DPH6: variants seen among roughly 807,000 people sequenced by gnomAD.
The protein encoded by DPH6 is diphthine--ammonia ligase.
A neutral mutation model predicts 38.2 loss-of-function variants in DPH6; 33 were observed. The observed-to-expected ratio is 0.86, with a 90% CI of 0.65 to 1.15. DPH6 has a LOEUF of 1.15. DPH6 is among the 50% of genes most tolerant of loss of function. DPH6 has a pLI of 0.00. For missense variants in DPH6, 325 were observed against 320.0 expected, an observed-to-expected ratio of 1.02 and a Z score of -0.12; for synonymous variants, 108 against 103.0, an observed-to-expected ratio of 1.05 and a Z score of -0.30.
chr15:35,412,211 C>T (rs1023657645), intron 5 of DPH6, among the ~76,000 whole-genome samples: 2 of 151,638 alleles, frequency 1.3e-5, no homozygotes, highest in East Asian at 1.9e-4. Context: ...ACAGACACCT[C>T]GCTAAAGATA....
At chr15:35,200,138 A>G in the DPH6 span, among the ~76,000 whole-genome samples, 1 of 152,194 alleles carries the variant, frequency 6.6e-6, no homozygotes, top group Non-Finnish European at 1.5e-5. Flanking sequence ...CCAAATGCCC[A>G]GAGATTCTAG....
rs149373142 is a variant in DPH6, at chr15:35,451,727, T to A, written c.387-924A>T. 1.7e-4 allele frequency among the ~76,000 whole-genome samples: 26 copies of A among 152,230 alleles called. No homozygotes were observed. The Middle Eastern group carries it at 0.01, about 60-fold the overall frequency. ...AATGTGATCCTTTTAAGACATAAAA[T>A]AGGACAGGCGCGGTGACTCACGACT... On this transcript the variant is annotated intron_variant, in intron 4 of 8. Coordinates refer to ENST00000256538, the MANE Select transcript of DPH6 (RefSeq NM_080650.4).
chr15:35,533,012 CAGG>C (rs1201692314), intron 3 of DPH6, among the ~76,000 whole-genome samples: 1 of 151,548 alleles, frequency 6.6e-6, no homozygotes, highest in Non-Finnish European at 1.5e-5. Context: ...GAGGCTGAAG[CAGG>C]AGAATTGCTT....
At chr15:35,485,007 A>C (rs2054378282) in intron 3 of DPH6, among the ~76,000 whole-genome samples, 1 of 152,242 alleles carries the variant, frequency 6.6e-6, no homozygotes, top group Admixed American at 6.5e-5. Flanking sequence ...AATGAAAAAA[A>C]AATTAACATT....
At chr15:35,482,118 T>G (rs983080359) in intron 3 of DPH6, among the ~76,000 whole-genome samples, 67 of 152,274 alleles carry the variant, frequency 4.4e-4, no homozygotes, top group African/African-American at 1.5e-3. Context: ...TTGACTAGAT[T>G]TGAAGTGGGA....
At chr15:35,173,415 T>A in the DPH6 span, among the ~76,000 whole-genome samples, 2 of 152,208 alleles carry the variant, frequency 1.3e-5, no homozygotes, top group Non-Finnish European at 2.9e-5. Flanking sequence ...TACTTTTTTC[T>A]AAATATAGGC....
chr15:35,213,664 C>T (rs1371144692), downstream of DPH6, among the ~76,000 whole-genome samples: 1 of 152,142 alleles, frequency 6.6e-6, no homozygotes, highest in Non-Finnish European at 1.5e-5. Context: ...TATTTCTTGG[C>T]CTTGCTTCCC....
chr15:35,506,041 C>T (rs941763286), intron 3 of DPH6, among the ~76,000 whole-genome samples: 1 of 151,974 alleles, frequency 6.6e-6, no homozygotes, highest in Non-Finnish European at 1.5e-5. Context: ...CACTGGCAAG[C>T]CCAAGACACA....
intron 3 of DPH6, among the ~76,000 whole-genome samples, chr15:35,506,093 T>A (rs768139253): frequency 6.6e-6 from 1 of 152,134 alleles, no homozygotes; most frequent in Non-Finnish European, 1.5e-5. Flanking sequence ...AAAAAACTTA[T>A]CATGTAAAGT....
At chr15:35,202,119 TA>T in the DPH6 span, among the ~76,000 whole-genome samples, 1 of 151,988 alleles carries the variant, frequency 6.6e-6, no homozygotes, top group African/African-American at 2.4e-5. Context: ...ATTACAGATA[TA>T]ATCTATCTAT....
At chr15:35,331,465 T>C (rs568038712) in intron 3 of DPH6, among the ~76,000 whole-genome samples, 4 of 152,280 alleles carry the variant, frequency 2.6e-5, no homozygotes, top group South Asian at 2.1e-4. Context: ...TAGAGTACCA[T>C]TGAAAATTTG....
At chr15:35,484,727 G>A (rs2054374053) in intron 3 of DPH6, among the ~76,000 whole-genome samples, 1 of 152,162 alleles carries the variant, frequency 6.6e-6, no homozygotes, top group Non-Finnish European at 1.5e-5. Flanking sequence ...CTCGGGTCTA[G>A]CCCACATGCA....
chr15:35,467,633 T>A (rs567884966), intron 3 of DPH6, among the ~76,000 whole-genome samples: 1 of 152,184 alleles, frequency 6.6e-6, no homozygotes, highest in African/African-American at 2.4e-5. Context: ...CCTAACAGTG[T>A]CAAGGTTATC....
intron 3 of DPH6, among the ~76,000 whole-genome samples, chr15:35,460,081 T>C (rs1044810714): frequency 3.9e-5 from 6 of 152,174 alleles, no homozygotes; most frequent in Admixed American, 2.0e-4. Context: ...CTATAGAAAC[T>C]TCAACAAAAC....
At chr15:35,536,580 T>G (rs904042325) in intron 3 of DPH6, among the ~76,000 whole-genome samples, 1 of 152,008 alleles carries the variant, frequency 6.6e-6, no homozygotes, top group African/African-American at 2.4e-5. Context: ...TTAATTAAAT[T>G]TATTATTAAT....
intron 6 of DPH6, among the ~76,000 whole-genome samples, chr15:35,393,481 G>A (rs1041174101): frequency 6.6e-6 from 1 of 152,184 alleles, no homozygotes; most frequent in African/African-American, 2.4e-5. Context: ...TTGTTTGTTT[G>A]TTTTTAGAGT....
intron 5 of DPH6, among the ~76,000 whole-genome samples, chr15:35,444,032 C>T (rs2141063564): frequency 6.6e-6 from 1 of 152,294 alleles, no homozygotes; most frequent in East Asian, 1.9e-4. Flanking sequence ...ATCAGAACAG[C>T]TCTCCAGGTC....
At chr15:35,242,391 T>A (rs1366030210) in intron 3 of DPH6, among the ~76,000 whole-genome samples, 1 of 142,638 alleles carries the variant, frequency 7.0e-6, no homozygotes, top group Non-Finnish European at 1.5e-5. Flanking sequence ...TTGACCTTAC[T>A]GTTTTAGCCT....
chr15:35,210,812 T>G, the DPH6 span, among the ~76,000 whole-genome samples: 1 of 152,060 alleles, frequency 6.6e-6, no homozygotes, highest in Non-Finnish European at 1.5e-5. Flanking sequence ...GTTTATGGGA[T>G]AGGGGCTGTG....
Sources: allele counts gnomAD v4.1 joint callset (sites outside exome capture counted in the v4.1 genomes callset), GRCh38; gene constraint gnomAD v4.1.1; transcripts MANE v1.5; gene names NCBI Gene and HGNC (gene_info 2026-07-23, HGNC 2026-07-21).